PRELID2: variants seen among roughly 807,000 people sequenced by gnomAD.
PRELID2 encodes the protein PRELI domain containing 2, also known as PRELI domain-containing protein 2.
In PRELID2, 25 loss-of-function variants were observed where a neutral mutation model predicts 28.4. The ratio of observed to expected loss-of-function variants is 0.88; its 90% confidence interval spans 0.64 to 1.23. The LOEUF is 1.23. PRELID2 is among the 50% of genes most tolerant of loss of function. The probability of loss-of-function intolerance (pLI) is 0.00; values close to 1 mark genes in which losing one functional copy is unlikely to be tolerated. For missense variants in PRELID2, 201 were observed against 214.4 expected (o/e 0.94, Z 0.39); for synonymous variants, 76 against 71.6 (o/e 1.06, Z -0.31).
At chr5:145,244,884 A>G in the PRELID2 span, among the ~76,000 whole-genome samples, 3 of 152,104 alleles carry the variant, frequency 2.0e-5, no homozygotes, top group Non-Finnish European at 4.4e-5. Flanking sequence ...ACTGCAGTAT[A>G]TGAGTCTTCC....
intron 1 of PRELID2, among the ~76,000 whole-genome samples, chr5:145,631,146 C>T (rs75746217): frequency 0.012 from 1,774 of 152,280 alleles, 34 homozygotes; most frequent in African/African-American, 0.039. Flanking sequence ...ATGCACCCAG[C>T]CCCCATTTAT....
the PRELID2 span, among the ~76,000 whole-genome samples, chr5:145,312,258 G>A: frequency 2.0e-5 from 3 of 152,066 alleles, no homozygotes; most frequent in African/African-American, 7.2e-5. Context: ...AGAGGCTGAG[G>A]TGGGATCACT....
intron 1 of PRELID2, among the ~76,000 whole-genome samples, chr5:145,562,153 G>A (rs1216445922): frequency 6.6e-6 from 1 of 152,182 alleles, no homozygotes; most frequent in East Asian, 1.9e-4. Flanking sequence ...AAGATGGCTT[G>A]TGGCATTAAG....
At chr5:145,526,311 C>G (rs1353818758) in intron 1 of PRELID2, among the ~76,000 whole-genome samples, 1 of 152,188 alleles carries the variant, frequency 6.6e-6, no homozygotes, top group Non-Finnish European at 1.5e-5. Context: ...CTCTTAACTA[C>G]TCTGTAACAC....
intron 1 of PRELID2, chr5:145,704,051 G>A (rs1186846153): frequency 6.6e-6 from 1 of 152,162 alleles, no homozygotes; most frequent in African/African-American, 2.4e-5. Flanking sequence ...CATTTCAAGG[G>A]GGTTTCTGGA....
the PRELID2 span, among the ~76,000 whole-genome samples, chr5:145,407,466 G>C: frequency 6.6e-6 from 1 of 152,034 alleles, no homozygotes; most frequent in East Asian, 1.9e-4. Context: ...CTCACCTAAG[G>C]AGAGTCTGAG....
the PRELID2 span, among the ~76,000 whole-genome samples, chr5:145,232,749 A>G: frequency 1.9e-3 from 282 of 152,264 alleles, no homozygotes; most frequent in African/African-American, 6.4e-3. Context: ...AGAAGACTAT[A>G]TCACCTCTTC....
At chr5:145,675,206 C>T (rs971914567) in intron 1 of PRELID2, among the ~76,000 whole-genome samples, 4 of 151,680 alleles carry the variant, frequency 2.6e-5, no homozygotes, top group Non-Finnish European at 4.4e-5. Flanking sequence ...AAGAATAAAT[C>T]GATTAATTAT....
chr5:145,449,587 G>A, the PRELID2 span, among the ~76,000 whole-genome samples: 3 of 152,042 alleles, frequency 2.0e-5, no homozygotes, highest in African/African-American at 4.8e-5. Flanking sequence ...TGCAAAAATC[G>A]GAATGCCTGT....
chr5:145,502,649 C>T (rs1034113697), intron 1 of PRELID2, among the ~76,000 whole-genome samples: 1 of 152,100 alleles, frequency 6.6e-6, no homozygotes, highest in Non-Finnish European at 1.5e-5. Flanking sequence ...GCAGAGACCA[C>T]GTCTCATTCA....
At chr5:145,702,404 T>C (rs1482622534) in intron 1 of PRELID2, among the ~76,000 whole-genome samples, 1 of 152,222 alleles carries the variant, frequency 6.6e-6, no homozygotes, top group Non-Finnish European at 1.5e-5. Flanking sequence ...GGGTTAAATG[T>C]GTTTTTCTTT....
intron 1 of PRELID2, among the ~76,000 whole-genome samples, chr5:145,741,827 T>A (rs1756795160): frequency 3.0e-5 from 1 of 33,462 alleles, no homozygotes; most frequent in East Asian, 1.8e-3. Flanking sequence ...TATACAAATA[T>A]TTATATAATA....
At chr5:145,641,365 A>T (rs1754103712) in intron 1 of PRELID2, among the ~76,000 whole-genome samples, 1 of 152,238 alleles carries the variant, frequency 6.6e-6, no homozygotes, top group African/African-American at 2.4e-5. Context: ...CTAAATGGCC[A>T]TTAATACCAT....
chr5:145,501,782 C>T (rs1761291737), intron 1 of PRELID2, among the ~76,000 whole-genome samples: 1 of 152,270 alleles, frequency 6.6e-6, no homozygotes, highest in South Asian at 2.1e-4. Flanking sequence ...GTGACATTTT[C>T]CTTGGCCATC....
the PRELID2 span, among the ~76,000 whole-genome samples, chr5:145,399,742 T>C: frequency 6.6e-6 from 1 of 152,104 alleles, no homozygotes. Context: ...AAGATGTTTA[T>C]TGGACTTACA....
intron 1 of PRELID2, among the ~76,000 whole-genome samples, chr5:145,831,687 A>G (rs555929399): frequency 1.3e-5 from 2 of 152,322 alleles, no homozygotes; most frequent in South Asian, 2.1e-4. Context: ...TGATGTTAAC[A>G]CTGTCCCATC....
At chr5:145,664,077 C>T (rs1436217515) in intron 1 of PRELID2, among the ~76,000 whole-genome samples, 1 of 152,040 alleles carries the variant, frequency 6.6e-6, no homozygotes, top group Non-Finnish European at 1.5e-5. Flanking sequence ...GTAAACTCTA[C>T]TACTTCATTT....
intron 1 of PRELID2, among the ~76,000 whole-genome samples, chr5:145,662,339 C>A (rs148145975): frequency 6.6e-6 from 1 of 152,244 alleles, no homozygotes; most frequent in Non-Finnish European, 1.5e-5. Context: ...ATTGTGGAAG[C>A]TCATTTTGGC....
chr5:145,624,193 C>T (rs1753813468), intron 1 of PRELID2, among the ~76,000 whole-genome samples: 1 of 152,200 alleles, frequency 6.6e-6, no homozygotes, highest in African/African-American at 2.4e-5. Flanking sequence ...CTTCCCAGAA[C>T]CTTGATATGT....
Sources: gnomAD v4.1 joint callset for allele counts (sites outside exome capture counted in the v4.1 genomes callset) on GRCh38, gnomAD v4.1.1 for gene constraint, MANE v1.5 for transcripts, NCBI Gene and HGNC (gene_info 2026-07-23, HGNC 2026-07-21) for gene names.